ABI1: variants seen among roughly 807,000 people sequenced by gnomAD.
ABI1 encodes Abelson interactor 1.
A neutral mutation model predicts 54.6 loss-of-function variants in ABI1; 14 were observed. The ratio of observed to expected loss-of-function variants is 0.26; its 90% CI spans 0.17 to 0.40. The LOEUF (loss-of-function observed/expected upper bound fraction) is 0.40, where lower values mean the gene tolerates loss of function less well. Ranked by LOEUF, ABI1 falls within the 10% of genes least tolerant of loss-of-function variation. The probability of loss-of-function intolerance (pLI) is 1.00; values close to 1 mark genes in which losing one functional copy is unlikely to be tolerated. For synonymous variants in ABI1, 194 were observed against 209.3 expected, an observed-to-expected ratio of 0.93 and a Z score of 0.63; for missense variants, 443 against 598.3, an observed-to-expected ratio of 0.74 and a Z score of 2.71.
At chr10:26,817,091 C>T (rs2047622004) in intron 2 of ABI1, among the ~76,000 whole-genome samples, 1 of 151,550 alleles carries the variant, frequency 6.6e-6, no homozygotes, top group Admixed American at 6.6e-5. Flanking sequence ...CTTCTGCCTC[C>T]CGAGTTGAGG....
intron 7 of ABI1, among the ~76,000 whole-genome samples, chr10:26,762,911 T>C (rs954069843): frequency 3.3e-5 from 5 of 152,210 alleles, no homozygotes; most frequent in Admixed American, 6.5e-5. Context: ...GTGTATACAT[T>C]AATAAACTCC....
intron 2 of ABI1, among the ~76,000 whole-genome samples, chr10:26,810,393 C>G (rs1336128811): frequency 6.6e-6 from 1 of 152,076 alleles, no homozygotes; most frequent in Non-Finnish European, 1.5e-5. Context: ...AAATCCACCT[C>G]CAGAAAAATT....
At chr10:26,775,856 G>A (rs566003592) in intron 3 of ABI1, among the ~76,000 whole-genome samples, 2 of 152,256 alleles carry the variant, frequency 1.3e-5, no homozygotes, top group South Asian at 4.1e-4. Context: ...GAGTGTGTGC[G>A]TGTGCAAGTA....
At chr10:26,852,275 T>C (rs7898746) in intron 1 of ABI1, among the ~76,000 whole-genome samples, 2 of 151,982 alleles carry the variant, frequency 1.3e-5, no homozygotes, top group African/African-American at 4.8e-5. Flanking sequence ...AGGTTGGGAG[T>C]TCGAGACCAG....
chr10:26,764,074 T>C (rs1409574261), intron 7 of ABI1: 5 of 685,400 alleles, frequency 7.3e-6, no homozygotes, highest in Non-Finnish European at 9.2e-6. Context: ...TACCCCCATG[T>C]AAAGCATGCT....
At chr10:26,853,529 C>CTTT (rs535088026) in intron 1 of ABI1, among the ~76,000 whole-genome samples, 4 of 130,846 alleles carry the variant, frequency 3.1e-5, no homozygotes, top group Admixed American at 7.8e-5. Context: ...TTTTACCTTA[C>CTTT]TTTTTTTTTT....
intron 2 of ABI1, among the ~76,000 whole-genome samples, chr10:26,792,309 A>C (rs1843578384): frequency 6.6e-6 from 1 of 152,232 alleles, no homozygotes; most frequent in Non-Finnish European, 1.5e-5. Context: ...AATAGCATAC[A>C]GAAAAGAATG....
intron 2 of ABI1, among the ~76,000 whole-genome samples, chr10:26,796,173 G>A (rs1235420102): frequency 6.6e-6 from 1 of 152,062 alleles, no homozygotes; most frequent in Admixed American, 6.6e-5. Flanking sequence ...GAAAGGAGAG[G>A]GAGCTGTGGG....
chr10:26,785,574 T>C (rs1479377333), intron 2 of ABI1, among the ~76,000 whole-genome samples: 2 of 151,972 alleles, frequency 1.3e-5, no homozygotes, highest in African/African-American at 4.8e-5. Flanking sequence ...ATACAAAAAT[T>C]AGCCGGGCAC....
intron 1 of ABI1, among the ~76,000 whole-genome samples, chr10:26,854,453 A>C (rs2050655234): frequency 1.7e-5 from 1 of 59,196 alleles, no homozygotes; most frequent in Admixed American, 1.5e-4. Context: ...GTGAAAGAAG[A>C]AAAAAAAAAA....
At chr10:26,792,564 G>A (rs898529192) in intron 2 of ABI1, among the ~76,000 whole-genome samples, 3 of 152,164 alleles carry the variant, frequency 2.0e-5, no homozygotes, top group Non-Finnish European at 2.9e-5. Flanking sequence ...TTGAAGAAAA[G>A]ATTATGGAAA....
At chr10:26,769,792 C>G (rs1008336381) in intron 5 of ABI1, among the ~76,000 whole-genome samples, 3 of 152,006 alleles carry the variant, frequency 2.0e-5, no homozygotes, top group African/African-American at 4.8e-5. Context: ...TGCATACTTT[C>G]CTAAAGTAAA....
At chr10:26,778,911 A>G (rs1841762743) in intron 2 of ABI1, among the ~76,000 whole-genome samples, 1 of 152,210 alleles carries the variant, frequency 6.6e-6, no homozygotes, top group Non-Finnish European at 1.5e-5. Context: ...CTGTGTATGC[A>G]GGCATCACCT....
At chr10:26,776,955 T>C (rs1207914193) in intron 3 of ABI1, 110 bp downstream of exon 3, 2 of 1,000,468 alleles carry the variant, frequency 2.0e-6, no homozygotes, top group African/African-American at 1.7e-5. Context: ...AAAATTATAA[T>C]GCCAGCTGCT....
rs372853963 is a variant in ABI1, at chr10:26,755,648, A to G, written c.1084+7T>C. Reference sequence around the variant, plus strand: ...ACTCTTCCATAGCTCAGTTTTTCCAAACTTACTGTTTTCCTGCACCCTGGC... The same window carrying G: ...ACTCTTCCATAGCTCAGTTTTTCCAGACTTACTGTTTTCCTGCACCCTGGC... On this transcript the variant is annotated splice_region_variant and intron_variant, in intron 9 of 10. Transcript: ENST00000376140. 41 of 1,608,830 alleles carry G rather than the reference A, an allele frequency of 2.5e-5. No homozygotes were observed. Among genetic ancestry groups the G allele is most frequent in the African/African-American group, 5.3e-5 (4 of 74,778 alleles).
chr10:26,826,488 G>A (rs958069002), intron 1 of ABI1, among the ~76,000 whole-genome samples: 1 of 152,164 alleles, frequency 6.6e-6, no homozygotes, highest in Non-Finnish European at 1.5e-5. Context: ...CATGGCAAAT[G>A]AGCACTGGAT....
intron 2 of ABI1, among the ~76,000 whole-genome samples, chr10:26,806,989 T>C (rs936445938): frequency 1.3e-5 from 2 of 152,232 alleles, no homozygotes; most frequent in African/African-American, 4.8e-5. Flanking sequence ...TGATTATCTT[T>C]TTTTCTTGAA....
At chr10:26,761,468 A>G (rs1839146981) in intron 7 of ABI1, among the ~76,000 whole-genome samples, 1 of 151,230 alleles carries the variant, frequency 6.6e-6, no homozygotes, top group South Asian at 2.1e-4. Context: ...ATACACATAC[A>G]TGTGTGTATA....
intron 2 of ABI1, among the ~76,000 whole-genome samples, chr10:26,794,658 A>C (rs897591418): frequency 2.6e-5 from 4 of 151,816 alleles, no homozygotes; most frequent in African/African-American, 9.7e-5. Context: ...GATTAAATGA[A>C]GCAATATATA....
Sources: gnomAD v4.1 joint callset for allele counts (sites outside exome capture counted in the v4.1 genomes callset) on GRCh38, gnomAD v4.1.1 for gene constraint, MANE v1.5 for transcripts, NCBI Gene and HGNC (gene_info 2026-07-23, HGNC 2026-07-21) for gene names.